Variants in DYNC1LI1 observed in about 807,000 individuals in gnomAD.
DYNC1LI1 encodes the protein cytoplasmic dynein 1 light intermediate chain 1.
Under a neutral mutation model 63.8 loss-of-function variants are expected in DYNC1LI1, and 19 were observed. That is an observed-to-expected ratio of 0.30 (90% CI 0.21 to 0.44). The LOEUF is 0.44. Among genes scored for constraint, DYNC1LI1 ranks in the 20% least tolerant of loss-of-function variants. The pLI, the probability that DYNC1LI1 is intolerant of heterozygous loss-of-function variation, is 1.00. For synonymous variants in DYNC1LI1, 225 were observed against 232.3 expected (o/e 0.97, Z 0.28); for missense variants, 565 against 630.2 (o/e 0.90, Z 1.11).
At chr3:32,537,186 TA>T in intron 5 of DYNC1LI1, 82 bp from the exon 6 acceptor site, 1 of 713,188 alleles carries the variant, frequency 1.4e-6, no homozygotes, top group Admixed American at 3.6e-5. Flanking sequence ...CAATTCTGGA[TA>T]GGGGAACATC....
chr3:32,565,172 C>T (rs1698242341), intron 2 of DYNC1LI1, among the ~76,000 whole-genome samples: 1 of 152,096 alleles, frequency 6.6e-6, no homozygotes, highest in African/African-American at 2.4e-5. Flanking sequence ...TGCCTTAAAA[C>T]ATTTCTTTAA....
intron 5 of DYNC1LI1, 84 bp from the exon 6 acceptor site, chr3:32,537,188 G>T: frequency 1.4e-6 from 1 of 708,676 alleles, no homozygotes; most frequent in Non-Finnish European, 2.2e-6. Context: ...ATTCTGGATA[G>T]GGGAACATCA....
At chr3:32,532,864 A>C in intron 8 of DYNC1LI1, 122 bp downstream of exon 8, 1 of 1,372,118 alleles carries the variant, frequency 7.3e-7, no homozygotes, top group African/African-American at 1.5e-5. Flanking sequence ...CCAAAATTAT[A>C]CTTAGAAACC....
At chr3:32,560,244 G>C (rs997752144) in intron 2 of DYNC1LI1, among the ~76,000 whole-genome samples, 1 of 152,072 alleles carries the variant, frequency 6.6e-6, no homozygotes, top group Non-Finnish European at 1.5e-5. Flanking sequence ...AGACCAGCCT[G>C]GCCAACAATG....
chr3:32,536,775 T>C (rs1311181032), intron 6 of DYNC1LI1, among the ~76,000 whole-genome samples: 1 of 152,176 alleles, frequency 6.6e-6, no homozygotes, highest in Non-Finnish European at 1.5e-5. Flanking sequence ...GGTAATTATT[T>C]TTCTTAAGCA....
chr3:32,559,681 C>G (rs1201310760), intron 2 of DYNC1LI1, among the ~76,000 whole-genome samples: 1 of 152,196 alleles, frequency 6.6e-6, no homozygotes, highest in Non-Finnish European at 1.5e-5. Context: ...CCCAAGTACG[C>G]ATGCCACTGT....
At chr3:32,538,517 G>A (rs1013518308) in intron 5 of DYNC1LI1, among the ~76,000 whole-genome samples, 3 of 151,802 alleles carry the variant, frequency 2.0e-5, no homozygotes, top group South Asian at 2.1e-4. Flanking sequence ...TGGCTAACAC[G>A]GTGAAACCCC....
chr3:32,554,522 CTT>C (rs1297524784), intron 2 of DYNC1LI1, among the ~76,000 whole-genome samples: 1 of 152,176 alleles, frequency 6.6e-6, no homozygotes, highest in Non-Finnish European at 1.5e-5. Flanking sequence ...TAAATCCCCT[CTT>C]CTTACAAATG....
rs139900709 is a variant in DYNC1LI1, at chr3:32,566,596, G to A, written c.220+3750C>T. The A allele has an allele frequency of 6.0e-3, 1,823 of 302,426 alleles. 10 individuals carry two copies. The highest frequency in any genetic ancestry group is 8.7e-3 in the South Asian group (346 of 39,760). 18.7% of individuals were successfully genotyped at this position (302,426 alleles called of 1,614,324 possible). A position where few individuals can be genotyped will look rare whatever the true frequency, so the allele number is the denominator to read the frequency against. On this transcript the variant is annotated intron_variant, in intron 2 of 12. Transcript: ENST00000273130. The stretch of plus-strand genomic sequence containing the variant: ...TCTACTAAAAATACAAAATTAGCCA[G>A]GTGTGGTGGCACATGCCTGTAATCC...
intron 2 of DYNC1LI1, 80 bp downstream of exon 2, chr3:32,570,266 A>T: frequency 1.7e-6 from 2 of 1,152,676 alleles, no homozygotes; most frequent in Non-Finnish European, 2.5e-6. Flanking sequence ...GCACAAAGAG[A>T]GCCAGCGAGC....
chr3:32,569,155 T>TG (rs1698307588), intron 2 of DYNC1LI1, among the ~76,000 whole-genome samples: 1 of 152,182 alleles, frequency 6.6e-6, no homozygotes, highest in African/African-American at 2.4e-5. Context: ...ATGAAGAAAC[T>TG]GAGGTTTATA....
chr3:32,536,400 C>G (rs1436794662), intron 6 of DYNC1LI1, among the ~76,000 whole-genome samples: 1 of 152,140 alleles, frequency 6.6e-6, no homozygotes, highest in Non-Finnish European at 1.5e-5. Context: ...AAAAAGTACT[C>G]ACTTTTAACC....
intron 11 of DYNC1LI1, 111 bp from the exon 12 acceptor site, chr3:32,528,712 T>G (rs1247206998): frequency 9.3e-7 from 1 of 1,075,530 alleles, no homozygotes; most frequent in Non-Finnish European, 1.3e-6. Context: ...TTTTAAGAGT[T>G]TTATATTCCA....
In DYNC1LI1 at chr3:32,569,350, A is replaced by C. The variant is rs557324881; in HGVS notation, c.220+996T>G. On this transcript the variant is annotated intron_variant, in intron 2 of 12. Transcript: ENST00000273130. ...ATATATTCTTGCTTGGCAGCAGTCT[A>C]TTAAAAAAGTAATTTTTTCTATGTA... Among the ~76,000 whole-genome samples the C allele has an allele frequency of 4.4e-3, 673 of 152,324 alleles. 5 individuals carry two copies. Among genetic ancestry groups the C allele is most frequent in the African/African-American group, 0.016 (648 of 41,562 alleles).
intron 2 of DYNC1LI1, among the ~76,000 whole-genome samples, chr3:32,568,075 C>T (rs1482848127): frequency 2.0e-5 from 3 of 152,022 alleles, no homozygotes; most frequent in East Asian, 1.9e-4. Context: ...TGAGCTCAAA[C>T]GATCCACCCC....
At chr3:32,542,693 C>G (rs1697898952) in intron 4 of DYNC1LI1, among the ~76,000 whole-genome samples, 1 of 152,244 alleles carries the variant, frequency 6.6e-6, no homozygotes, top group African/African-American at 2.4e-5. Context: ...GCGTGAGCCA[C>G]TGCGCCCAGC....
rs772144670 is a variant in DYNC1LI1, at chr3:32,570,295, C to A, written c.220+51G>T. 6 of 1,464,450 alleles carry A rather than the reference C, an allele frequency of 4.1e-6. No individual in the cohort carries two copies. The South Asian group carries it at 4.8e-5, about 12-fold the overall frequency. 90.7% of individuals were successfully genotyped at this position (1,464,450 alleles called of 1,614,324 possible). On this transcript the variant is annotated intron_variant, in intron 2 of 12. Coordinates refer to ENST00000273130, the MANE Select transcript of DYNC1LI1 (RefSeq NM_016141.4). Reference sequence around the variant, plus strand: ...AGCGAGCTAGCCCGCGGACCAGGTACCCCGGGCCGCTGGGGGCCGGGCGGG... The same window carrying A: ...AGCGAGCTAGCCCGCGGACCAGGTAACCCGGGCCGCTGGGGGCCGGGCGGG...
intron 2 of DYNC1LI1, among the ~76,000 whole-genome samples, chr3:32,567,902 C>A (rs1417803117): frequency 2.0e-5 from 3 of 152,046 alleles, no homozygotes; most frequent in African/African-American, 7.2e-5. Flanking sequence ...TGGGGTTTCA[C>A]CATATTGACC....
At chr3:32,547,109 G>A (rs1697966031) in intron 2 of DYNC1LI1, among the ~76,000 whole-genome samples, 1 of 152,054 alleles carries the variant, frequency 6.6e-6, no homozygotes, top group Non-Finnish European at 1.5e-5. Flanking sequence ...AGGGCACAGT[G>A]GCGCGCATCT....
Sources: gnomAD v4.1 joint callset for allele counts (sites outside exome capture counted in the v4.1 genomes callset) on GRCh38, gnomAD v4.1.1 for gene constraint, MANE v1.5 for transcripts, NCBI Gene and HGNC (gene_info 2026-07-23, HGNC 2026-07-21) for gene names.